The following SNX13 variants were observed in gnomAD, a reference collection of about 807,000 sequenced individuals.
The protein encoded by SNX13 is sorting nexin-13.
SNX13 carries 45 observed loss-of-function variants against 133.6 expected under a neutral mutation model. The ratio of observed to expected loss-of-function variants is 0.34; its 90% confidence interval spans 0.27 to 0.43. The LOEUF is 0.43. Ranked by LOEUF, SNX13 falls within the 20% of genes least tolerant of loss-of-function variation. SNX13 has a pLI of 1.00. For synonymous variants in SNX13, 414 were observed against 373.9 expected (o/e 1.11, Z -1.24); for missense variants, 1,032 against 1,145.1 (o/e 0.90, Z 1.43).
intron 1 of SNX13, among the ~76,000 whole-genome samples, chr7:17,901,448 C>A (rs1797831649): frequency 6.6e-6 from 1 of 152,124 alleles, no homozygotes; most frequent in Non-Finnish European, 1.5e-5. Context: ...AGCACATTAG[C>A]CAGCAGTGGC....
intron 16 of SNX13, 58 bp downstream of exon 16, chr7:17,829,952 C>A: frequency 1.6e-6 from 2 of 1,250,390 alleles, no homozygotes. Flanking sequence ...TATGTTAAGG[C>A]TCAGCCTTTT....
intron 1 of SNX13, among the ~76,000 whole-genome samples, chr7:17,917,404 G>A (rs1799680298): frequency 1.3e-5 from 2 of 152,076 alleles, no homozygotes; most frequent in Non-Finnish European, 2.9e-5. Context: ...TCTATACCTA[G>A]AAAACTCTAA....
intron 1 of SNX13, among the ~76,000 whole-genome samples, chr7:17,909,559 T>C (rs1583730070): frequency 6.6e-6 from 1 of 152,348 alleles, no homozygotes; most frequent in Non-Finnish European, 1.5e-5. Context: ...ACATCCTTTG[T>C]AGGGACATGG....
chr7:17,849,739 G>A (rs988900767), intron 11 of SNX13, among the ~76,000 whole-genome samples: 2 of 152,104 alleles, frequency 1.3e-5, no homozygotes, highest in African/African-American at 4.8e-5. Context: ...CCCTGCATTT[G>A]CTCTCATGAC....
chr7:17,863,236 T>G (rs1269405764), intron 9 of SNX13, among the ~76,000 whole-genome samples: 1 of 152,094 alleles, frequency 6.6e-6, no homozygotes, highest in African/African-American at 2.4e-5. Flanking sequence ...TAAATAAATA[T>G]GAGTGGCAGT....
At chr7:17,824,125 A>C (rs1433349640) in intron 17 of SNX13, among the ~76,000 whole-genome samples, 1 of 152,134 alleles carries the variant, frequency 6.6e-6, no homozygotes, top group African/African-American at 2.4e-5. Context: ...TTATTAGGCC[A>C]ATGTTACTCA....
chr7:17,893,947 G>A (rs1452610159), intron 2 of SNX13, among the ~76,000 whole-genome samples: 1 of 147,650 alleles, frequency 6.8e-6, no homozygotes, highest in Non-Finnish European at 1.5e-5. Flanking sequence ...ACTTGAGCCT[G>A]GGTGACAGAT....
intron 20 of SNX13, among the ~76,000 whole-genome samples, chr7:17,806,264 AC>A (rs1785285696): frequency 6.6e-6 from 1 of 152,198 alleles, no homozygotes; most frequent in Non-Finnish European, 1.5e-5. Context: ...GAGAAAGGCT[AC>A]CTGTCTGTTA....
At chr7:17,937,007 A>C (rs1333157465) in intron 1 of SNX13, among the ~76,000 whole-genome samples, 1 of 143,528 alleles carries the variant, frequency 7.0e-6, no homozygotes. Flanking sequence ...ACATTAAAAA[A>C]AATAAAATAA....
rs1285716471 is a variant in SNX13, at chr7:17,890,609, GTAA to G, written c.319-128_319-126del. 1.3e-5 allele frequency: 7 copies of G among 545,872 alleles called. No individual in the cohort carries two copies. The African/African-American group carries it at 1.4e-4, about 11-fold the overall frequency. 33.8% of individuals were successfully genotyped at this position (545,872 alleles called of 1,614,324 possible). ...ACTCTCTACGTATTAATTTATGGTG[GTAA>G]ATACCTGCCCTCATTACAAAAACAT... is the stretch of plus-strand genomic sequence containing the variant. On this transcript the variant is annotated intron_variant, in intron 4 of 25. Transcript: ENST00000428135.
chr7:17,805,832 C>T (rs186287618), intron 20 of SNX13, among the ~76,000 whole-genome samples: 2 of 152,144 alleles, frequency 1.3e-5, no homozygotes, highest in Admixed American at 6.5e-5. Flanking sequence ...TTTGTTTTCC[C>T]CACCAAAAGG....
chr7:17,931,184 T>C (rs1427245781), intron 1 of SNX13, among the ~76,000 whole-genome samples: 1 of 152,188 alleles, frequency 6.6e-6, no homozygotes, highest in African/African-American at 2.4e-5. Context: ...GCTGATTATA[T>C]TAATAGTTGC....
At chr7:17,880,518 A>G (rs1302730061) in intron 5 of SNX13, 1 of 152,242 alleles carries the variant, frequency 6.6e-6, no homozygotes, top group Non-Finnish European at 1.5e-5. Flanking sequence ...TTCAGGTCAC[A>G]CTACAGACTA....
chr7:17,833,048 G>A (rs2128310767), intron 15 of SNX13, among the ~76,000 whole-genome samples: 1 of 151,548 alleles, frequency 6.6e-6, no homozygotes, highest in East Asian at 1.9e-4. Flanking sequence ...TAAGTAAACA[G>A]TCATAACTGA....
At chr7:17,830,945 G>A (rs906751239) in intron 15 of SNX13, 10 of 984,264 alleles carry the variant, frequency 1.0e-5, no homozygotes, top group Non-Finnish European at 1.2e-5. Flanking sequence ...AAATGCTCAA[G>A]AACATTTCTT....
intron 1 of SNX13, chr7:17,897,702 G>C (rs1321175963): frequency 1.2e-5 from 3 of 240,856 alleles, no homozygotes; most frequent in Non-Finnish European, 2.4e-5. Flanking sequence ...CAATGCAAAG[G>C]TACAGGACAG....
intron 1 of SNX13, among the ~76,000 whole-genome samples, chr7:17,914,340 A>C (rs1225836455): frequency 2.6e-5 from 4 of 152,230 alleles, no homozygotes; most frequent in African/African-American, 4.8e-5. Context: ...AAATTTCACC[A>C]ATCTGTCTAT....
chr7:17,802,742 A>T (rs1462690678), intron 21 of SNX13, among the ~76,000 whole-genome samples: 1 of 152,156 alleles, frequency 6.6e-6, no homozygotes, highest in Non-Finnish European at 1.5e-5. Flanking sequence ...ATTCAAGCAT[A>T]ATCTATCAAG....
At chr7:17,904,722 C>T (rs1195725188) in intron 1 of SNX13, among the ~76,000 whole-genome samples, 1 of 152,126 alleles carries the variant, frequency 6.6e-6, no homozygotes, top group East Asian at 1.9e-4. Flanking sequence ...TCAGTGCCAA[C>T]TTGAGTCACA....
Sources: gnomAD v4.1 joint callset for allele counts (sites outside exome capture counted in the v4.1 genomes callset) on GRCh38, gnomAD v4.1.1 for gene constraint, MANE v1.5 for transcripts, NCBI Gene and HGNC (gene_info 2026-07-23, HGNC 2026-07-21) for gene names.